The following EBF2 variants were observed in gnomAD, a reference collection of about 807,000 sequenced individuals.
EBF2 encodes EBF transcription factor 2.
EBF2 carries 21 observed loss-of-function variants against 72.8 expected under a neutral mutation model. The ratio of observed to expected loss-of-function variants is 0.29; its 90% CI spans 0.20 to 0.42. The LOEUF (loss-of-function observed/expected upper bound fraction) is 0.42. Among genes scored for constraint, EBF2 ranks in the 10% least tolerant of loss-of-function variants. The probability of loss-of-function intolerance (pLI) is 1.00; values close to 1 mark genes in which losing one functional copy is unlikely to be tolerated. For synonymous variants in EBF2, 299 were observed against 274.2 expected, an observed-to-expected ratio of 1.09 and a Z score of -0.89; for missense variants, 637 against 731.2, an observed-to-expected ratio of 0.87 and a Z score of 1.49.
chr8:26,019,171 C>G (rs1199276157), intron 6 of EBF2, among the ~76,000 whole-genome samples: 2 of 152,034 alleles, frequency 1.3e-5, no homozygotes, highest in Non-Finnish European at 2.9e-5. Flanking sequence ...TGCCAAGAAG[C>G]TTTTAGGAAG....
At chr8:25,900,987 C>T (rs559038569) in intron 7 of EBF2, among the ~76,000 whole-genome samples, 7 of 152,070 alleles carry the variant, frequency 4.6e-5, no homozygotes, top group East Asian at 1.9e-4. Context: ...ATATTCCCAA[C>T]GTAGAGAAAT....
At chr8:26,001,354 T>C (rs894964256) in intron 6 of EBF2, among the ~76,000 whole-genome samples, 1 of 152,080 alleles carries the variant, frequency 6.6e-6, no homozygotes, top group African/African-American at 2.4e-5. Flanking sequence ...TGGAAAGAGA[T>C]TTAACTAAAT....
chr8:26,031,024 C>G (rs1486082731), intron 6 of EBF2, among the ~76,000 whole-genome samples: 1 of 152,178 alleles, frequency 6.6e-6, no homozygotes, highest in Non-Finnish European at 1.5e-5. Flanking sequence ...AGTAAGAGCT[C>G]CTGCTTAGTG....
intron 6 of EBF2, among the ~76,000 whole-genome samples, chr8:25,986,044 A>G (rs1044548170): frequency 5.8e-5 from 8 of 138,210 alleles, no homozygotes; most frequent in Admixed American, 1.5e-4. Context: ...GGGGTTGGGA[A>G]GGTTTCATGA....
rs1563205661 is a variant in EBF2, at chr8:26,005,317, TATTATATATA to T, written c.551+27758_551+27767del. The stretch of plus-strand genomic sequence containing the variant: ...TAATTATATATAATTATATATTATA[TATTATATATA>T]ATTATATATTATATATAATATATAT... On this transcript the variant is annotated intron_variant, in intron 6 of 15. Transcript: ENST00000520164. Among the ~76,000 whole-genome samples the T allele has an allele frequency of 8.6e-3, 9 of 1,044 alleles. No homozygotes were observed. The East Asian group carries it at 0.25, about 29-fold the overall frequency. 0.7% of individuals were successfully genotyped at this position (1,044 alleles called of 152,430 possible). A position where few individuals can be genotyped will look rare whatever the true frequency, so the allele number is the denominator to read the frequency against.
intron 6 of EBF2, among the ~76,000 whole-genome samples, chr8:25,929,779 C>G (rs1478569802): frequency 6.6e-6 from 1 of 152,064 alleles, no homozygotes; most frequent in African/African-American, 2.4e-5. Context: ...CACCTACTTC[C>G]CCATCACTGA....
rs576358212 is a variant in EBF2, at chr8:25,941,476, G to A, written c.552-32921C>T. 4.6e-5 allele frequency among the ~76,000 whole-genome samples: 7 copies of A among 152,294 alleles called. No individual in the cohort carries two copies. The East Asian group carries it at 5.8e-4, about 13-fold the overall frequency. On this transcript the variant is annotated intron_variant, in intron 6 of 15. Transcript: ENST00000520164. ...CCACCTCGGCCTCCCAAAGCGCTGCGATTACAGGCGTGAGCCACTATGCCC... is the reference window on the plus strand; with the variant it reads ...CCACCTCGGCCTCCCAAAGCGCTGCAATTACAGGCGTGAGCCACTATGCCC...
intron 6 of EBF2, among the ~76,000 whole-genome samples, chr8:25,955,199 A>T (rs898101784): frequency 1.3e-5 from 2 of 152,204 alleles, no homozygotes; most frequent in African/African-American, 4.8e-5. Flanking sequence ...ACCCTTGGGG[A>T]CGGGGCTTCC....
chr8:25,866,596 TATA>T lies in EBF2; in HGVS notation c.1010-3802_1010-3800del, dbSNP rs1006730674. ...TATATATATAATAATTTTTATATAATATAATATAATGTTTATATTATATTATAT... is the reference window on the plus strand; with the variant it reads ...TATATATATAATAATTTTTATATAATATATAATGTTTATATTATATTATAT... On this transcript the variant is annotated intron_variant, in intron 10 of 15. Transcript: ENST00000520164. 2.5e-4 allele frequency among the ~76,000 whole-genome samples: 36 copies of T among 142,602 alleles called. No individual in the cohort carries two copies. The South Asian group carries it at 3.6e-3, about 14-fold the overall frequency. 93.6% of individuals were successfully genotyped at this position (142,602 alleles called of 152,430 possible).
intron 6 of EBF2, among the ~76,000 whole-genome samples, chr8:25,928,394 C>T (rs1803422739): frequency 6.6e-6 from 1 of 152,070 alleles, no homozygotes; most frequent in African/African-American, 2.4e-5. Context: ...TGACTCATTC[C>T]CTGTCCTCTT....
chr8:25,908,851 AT>A (rs1235712797), intron 6 of EBF2, among the ~76,000 whole-genome samples: 1 of 151,918 alleles, frequency 6.6e-6, no homozygotes, highest in Non-Finnish European at 1.5e-5. Context: ...GTTCTGGAAA[AT>A]TTTTTTAAAA....
chr8:26,010,286 G>A (rs1177159862), intron 6 of EBF2, among the ~76,000 whole-genome samples: 3 of 152,168 alleles, frequency 2.0e-5, no homozygotes, highest in African/African-American at 7.2e-5. Flanking sequence ...TGAAATCTGA[G>A]CTAAAGACAG....
At chr8:25,948,991 GCACAGATATACT>G (rs968608151) in intron 6 of EBF2, among the ~76,000 whole-genome samples, 5 of 152,128 alleles carry the variant, frequency 3.3e-5, no homozygotes, top group Non-Finnish European at 5.9e-5. Flanking sequence ...AATAGGTCTT[GCACAGATATACT>G]CTTCTACTAT....
At position 25,978,622 on chromosome 8, in the gene EBF2, G is replaced by A. The variant is rs138679275; in HGVS notation, c.551+54463C>T. 2.5e-3 allele frequency among the ~76,000 whole-genome samples: 380 copies of A among 152,250 alleles called. 3 individuals carry two copies. Among genetic ancestry groups the A allele is most frequent in the African/African-American group, 4.2e-3 (175 of 41,554 alleles). ...GAATGAAAGCGGAAAGGTGCGCTTC[G>A]CCCTCTGGCTGCAGGTTCAGAACCT... is the stretch of plus-strand genomic sequence containing the variant. On this transcript the variant is annotated intron_variant, in intron 6 of 15. Transcript: ENST00000520164.
chr8:25,921,289 C>T (rs540253329), intron 6 of EBF2, among the ~76,000 whole-genome samples: 148 of 152,194 alleles, frequency 9.7e-4, no homozygotes, highest in South Asian at 9.3e-3. Flanking sequence ...TAGAGTCAGC[C>T]GACTTTCATT....
chr8:26,013,259 G>C (rs557693795), intron 6 of EBF2, among the ~76,000 whole-genome samples: 1 of 152,104 alleles, frequency 6.6e-6, no homozygotes, highest in African/African-American at 2.4e-5. Flanking sequence ...ACAGCCAGGG[G>C]CAAAACAGCT....
chr8:25,860,977 C>T (rs1217618468), intron 13 of EBF2, 72 bp downstream of exon 13: 1 of 1,576,752 alleles, frequency 6.3e-7, no homozygotes, highest in Non-Finnish European at 8.7e-7. Flanking sequence ...GACCCAACCT[C>T]TGACTCTGTC....
chr8:25,950,620 A>C (rs1299275458), intron 6 of EBF2, among the ~76,000 whole-genome samples: 1 of 152,220 alleles, frequency 6.6e-6, no homozygotes, highest in Non-Finnish European at 1.5e-5. Flanking sequence ...GAGCCTGACT[A>C]AAAACAAAAA....
chr8:25,993,806 G>A (rs1429187524), intron 6 of EBF2, among the ~76,000 whole-genome samples: 2 of 151,844 alleles, frequency 1.3e-5, no homozygotes, highest in African/African-American at 4.8e-5. Context: ...CTTTTGGGGG[G>A]GTGGGGGAAG....
Sources: allele counts gnomAD v4.1 joint callset (sites outside exome capture counted in the v4.1 genomes callset), GRCh38; gene constraint gnomAD v4.1.1; transcripts MANE v1.5; gene names NCBI Gene and HGNC (gene_info 2026-07-23, HGNC 2026-07-21).